Variants in EHMT2 observed in about 807,000 individuals in gnomAD.
EHMT2 encodes histone-lysine N-methyltransferase EHMT2.
In EHMT2, 59 loss-of-function variants were observed where a neutral mutation model predicts 143.3. That is an observed-to-expected ratio of 0.41 (90% CI 0.33 to 0.51). The LOEUF (loss-of-function observed/expected upper bound fraction) is 0.51, where lower values mean the gene tolerates loss of function less well. Among genes scored for constraint, EHMT2 ranks in the 20% least tolerant of loss-of-function variants. The pLI is 0.18. For synonymous variants in EHMT2, 604 were observed against 651.5 expected (o/e 0.93, Z 1.11); for missense variants, 1,174 against 1,645.9 (o/e 0.71, Z 4.96).
At chr6:31,890,536 C>A (rs961674046) in intron 7 of EHMT2, among the ~76,000 whole-genome samples, 1 of 148,440 alleles carries the variant, frequency 6.7e-6, no homozygotes, top group Non-Finnish European at 1.5e-5. Flanking sequence ...CAGGCGTGAG[C>A]CACCACGCCT....
chr6:31,892,036 G>A (rs1247333298), intron 7 of EHMT2, among the ~76,000 whole-genome samples: 1 of 152,172 alleles, frequency 6.6e-6, no homozygotes, highest in Non-Finnish European at 1.5e-5. Flanking sequence ...AAGGTCAGGA[G>A]TTAGAGACCA....
intron 4 of EHMT2, chr6:31,895,455 G>C (rs1044536951): frequency 2.0e-5 from 3 of 150,636 alleles, no homozygotes; most frequent in South Asian, 2.1e-4. Context: ...GAGTCAGCCT[G>C]TTTTTTTTCA....
chr6:31,897,642 G>GGCCGCCGCCGCTGCAGCTCCC (rs1265471597), exon 1 of EHMT2: 11 of 1,158,590 alleles, frequency 9.5e-6, no homozygotes, highest in South Asian at 4.2e-5. Flanking sequence ...GCACCTCGGC[G>GGCCGCCGCCGCTGCAGCTCCC]GCCGCCGCCG....
chr6:31,897,308 G>T, intron 1 of EHMT2: 1 of 568,688 alleles, frequency 1.8e-6, no homozygotes, highest in Non-Finnish European at 2.4e-6. Context: ...CCCCCAGGCC[G>T]CGGGGACCCC....
Position 31,883,764 on chromosome 6 carries a change from C to A in EHMT2, c.2916+42G>T. 6.2e-7 allele frequency: 1 copy of A among 1,603,546 alleles called. No homozygotes were observed. The highest frequency in any genetic ancestry group is 8.5e-7 in the Non-Finnish European group (1 of 1,174,360). ...AAGCTTGTCCAACTGTACTTGGCAG[C>A]TCTCGGTGTCCTTTTGGGGAGGCCC... On this transcript the variant is annotated intron_variant, in intron 22 of 27. Transcript: ENST00000375537. This position sits in a 1 kb window ranked among gnomAD's most constrained non-coding sequence, Gnocchi z 5.6.
chr6:31,889,715 G>T lies in EHMT2; in HGVS notation c.865-113C>A. ...GCCACTACCCACGGATGGCTGCTGG[G>T]GATAAGTGTGGGTAGCAGAGGAGAC... On this transcript the variant is annotated intron_variant, in intron 7 of 27. Coordinates refer to ENST00000375537, the Ensembl canonical transcript of EHMT2. This position sits in a 1 kb window ranked among gnomAD's most constrained non-coding sequence, Gnocchi z 5.1. 1.5e-6 allele frequency: 2 copies of T among 1,343,396 alleles called. No individual in the cohort carries two copies. Among genetic ancestry groups the T allele is most frequent in the South Asian group, 1.2e-5 (1 of 83,952 alleles). The allele number at this position is 1,343,396 out of a possible 1,614,324, so 83.2% of individuals were successfully genotyped here. A position where few individuals can be genotyped will look rare whatever the true frequency, so the allele number is the denominator to read the frequency against.
chr6:31,896,977 C>T, exon 2 of EHMT2: 1 of 1,577,476 alleles, frequency 6.3e-7, no homozygotes, highest in Non-Finnish European at 8.6e-7. Flanking sequence ...CCCATCTCAG[C>T]GGGGGCCTCC....
chr6:31,896,346 G>A (rs1396518677), exon 4 of EHMT2: 3 of 1,612,998 alleles, frequency 1.9e-6, no homozygotes, highest in African/African-American at 1.3e-5. Context: ...GCTGGAGGGG[G>A]TTCAGACCCT....
rs1360636575 is a variant in EHMT2 at position 31,894,549 on chromosome 6, TGA to T, written c.583-1641_583-1640del. ...CCTCCCGCCTCGGCCTCCAAAGTGC[TGA>T]GATTACAGGCGTGAGCCACTGCGCC... On this transcript the variant is annotated intron_variant, in intron 4 of 27. Transcript: ENST00000375537. 3.3e-5 allele frequency among the ~76,000 whole-genome samples: 5 copies of T among 152,314 alleles called. No homozygotes were observed. The East Asian group carries it at 9.6e-4, about 29-fold the overall frequency.
Position 31,896,774 on chromosome 6 carries a change from C to G in EHMT2, c.160G>C (p.Ala54Pro), listed in dbSNP as rs1369795608. The change falls in exon 3 of 28, where the codon GCC becomes CCC. Residue 54 changes from alanine (A) to proline (P), a missense_variant. By Grantham distance (27) the Ala-to-Pro change is conservative. Coordinates refer to ENST00000375537, the Ensembl canonical transcript of EHMT2. ...GCAGGCTCCAGGGAGTCGGGGGTGGCCTTGGGCAGGGTTTCTTCACTACGA... is the reference window on the plus strand; with the variant it reads ...GCAGGCTCCAGGGAGTCGGGGGTGGGCTTGGGCAGGGTTTCTTCACTACGA... 1.9e-6 allele frequency: 3 copies of G among 1,612,938 alleles called. No individual in the cohort carries two copies. Among genetic ancestry groups the G allele is most frequent in the Non-Finnish European group, 2.5e-6 (3 of 1,180,030 alleles).
chr6:31,887,684 G>C (rs992966364), intron 14 of EHMT2, 25 bp from the exon 15 acceptor site: 1 of 1,611,304 alleles, frequency 6.2e-7, no homozygotes, highest in Non-Finnish European at 8.5e-7. Flanking sequence ...CGGGAGCGGG[G>C]AGAGAAGGGG....
chr6:31,880,049 C>T lies in EHMT2; in HGVS notation c.*35G>A, dbSNP rs1317008456. ...GGCAGAGGAGGCGGCTGAGCTGTGG[C>T]CATCCATGCTGGGGAGAGAGGGTGT... On this transcript the variant is annotated 3_prime_UTR_variant, in exon 28 of 28. Coordinates refer to ENST00000375537, the Ensembl canonical transcript of EHMT2. The surrounding 1 kb of genome is among the most constrained non-coding windows in gnomAD (Gnocchi z 6.6). 13 of 1,595,974 alleles carry T rather than the reference C, an allele frequency of 8.1e-6. No individual in the cohort carries two copies. Among genetic ancestry groups the T allele is most frequent in the Non-Finnish European group, 1.1e-5 (13 of 1,168,522 alleles).
In EHMT2 at chr6:31,896,257, A is replaced by C. The variant is rs749353979; in HGVS notation, c.582+6T>G. ...TTGATTATCCCATCTCTCCCATCCC[A>C]CTCACCTGTCCATTTCCTGGTTTGG... On this transcript the variant is annotated splice_donor_region_variant and intron_variant, in intron 4 of 27. Transcript: ENST00000375537. 3 of 1,608,918 alleles carry C rather than the reference A, an allele frequency of 1.9e-6. No homozygotes were observed. The East Asian group carries it at 6.7e-5, about 36-fold the overall frequency.
At chr6:31,897,077 T>A (rs1372447427) in intron 1 of EHMT2, 88 bp from the exon 2 acceptor site, 1 of 1,486,198 alleles carries the variant, frequency 6.7e-7, no homozygotes, top group Non-Finnish European at 8.9e-7. Flanking sequence ...GAAGAGAGAG[T>A]AGGCTCCGGG....
intron 7 of EHMT2, among the ~76,000 whole-genome samples, chr6:31,891,339 A>G (rs1454461560): frequency 1.4e-5 from 2 of 148,034 alleles, no homozygotes; most frequent in African/African-American, 5.3e-5. Flanking sequence ...GAAGACTGAC[A>G]GGATATTTGA....
Position 31,889,459 on chromosome 6 carries a change from G to A in EHMT2, c.999+9C>T, listed in dbSNP as rs368755733. The A allele has an allele frequency of 4.5e-5, 72 of 1,612,326 alleles. No individual in the cohort carries two copies. The African/African-American group carries it at 6.5e-4, about 15-fold the overall frequency. ...CACTCCTCTGGAGATATCAGCCTCCGTCTCTTACCCTATCTGACTGATTCC... is the reference window on the plus strand; with the variant it reads ...CACTCCTCTGGAGATATCAGCCTCCATCTCTTACCCTATCTGACTGATTCC... On this transcript the variant is annotated intron_variant, in intron 8 of 27. Transcript: ENST00000375537. This position sits in a 1 kb window ranked among gnomAD's most constrained non-coding sequence, Gnocchi z 5.1.
chr6:31,882,412 C>T lies in EHMT2; in HGVS notation c.3197+287G>A, dbSNP rs371260297. 1.6e-4 allele frequency among the ~76,000 whole-genome samples: 23 copies of T among 142,332 alleles called. No homozygotes were observed. The South Asian group carries it at 3.4e-3, about 21-fold the overall frequency. The allele number at this position is 142,332 out of a possible 152,430, so 93.4% of individuals were successfully genotyped here. ...TGGCACTTTCTCCAGCTAGGAAGGG[C>T]GAGGAGGGGGTGGAGGGGAAGGTAG... On this transcript the variant is annotated intron_variant, in intron 25 of 27. Coordinates refer to ENST00000375537, the Ensembl canonical transcript of EHMT2.
chr6:31,894,319 G>A (rs1766081878), intron 4 of EHMT2, among the ~76,000 whole-genome samples: 1 of 152,094 alleles, frequency 6.6e-6, no homozygotes, highest in African/African-American at 2.4e-5. Context: ...GGCTAATTTT[G>A]TATTTTTAAT....
chr6:31,880,521 C>T lies in EHMT2; in HGVS notation c.3452+152G>A. 2 of 933,538 alleles carry T rather than the reference C, an allele frequency of 2.1e-6. No individual in the cohort carries two copies. The highest frequency in any genetic ancestry group is 2.8e-5 in the Admixed American group (1 of 36,116). The allele number at this position is 933,538 out of a possible 1,614,324, so 57.8% of individuals were successfully genotyped here. On this transcript the variant is annotated intron_variant, in intron 27 of 27. Coordinates refer to ENST00000375537, the Ensembl canonical transcript of EHMT2. This position sits in a 1 kb window ranked among gnomAD's most constrained non-coding sequence, Gnocchi z 6.6. ...TCTGGGAGGCACAGGACTGTTTCCC[C>T]AAGTCCTCCAGGAAATACTTATGTA... is the stretch of plus-strand genomic sequence containing the variant.
Sources: allele counts gnomAD v4.1 joint callset (sites outside exome capture counted in the v4.1 genomes callset), GRCh38; gene constraint gnomAD v4.1.1; non-coding constraint Gnocchi (gnomAD v3.1); transcripts MANE v1.5; gene names NCBI Gene and HGNC (gene_info 2026-07-23, HGNC 2026-07-21).